Variants in SPON1 observed in about 807,000 individuals in gnomAD.
SPON1 encodes the protein spondin 1.
SPON1 carries 52 observed loss-of-function variants against 111.7 expected under a neutral mutation model. The observed-to-expected ratio is 0.47, with a 90% confidence interval of 0.37 to 0.59. The LOEUF (loss-of-function observed/expected upper bound fraction) is 0.59. Among genes scored for constraint, SPON1 ranks in the 20% least tolerant of loss-of-function variants. The probability of loss-of-function intolerance (pLI) is 0.00; values close to 1 mark genes in which losing one functional copy is unlikely to be tolerated. For missense variants in SPON1, 957 were observed against 1,068.5 expected (o/e 0.90, Z 1.46); for synonymous variants, 410 against 395.8 (o/e 1.04, Z -0.43).
chr11:13,985,744 C>T (rs1848177481), intron 2 of SPON1, among the ~76,000 whole-genome samples: 1 of 152,124 alleles, frequency 6.6e-6, no homozygotes, highest in Non-Finnish European at 1.5e-5. Context: ...GAAACTGAGT[C>T]CCCAAGGAGT....
At chr11:14,166,907 A>T (rs1472266280) in intron 6 of SPON1, among the ~76,000 whole-genome samples, 1 of 152,122 alleles carries the variant, frequency 6.6e-6, no homozygotes, top group African/African-American at 2.4e-5. Flanking sequence ...GCTCATTATA[A>T]AACCATCTTT....
At chr11:14,260,827 A>C in intron 14 of SPON1, 75 bp downstream of exon 14, 1 of 1,472,420 alleles carries the variant, frequency 6.8e-7, no homozygotes, top group Non-Finnish European at 9.2e-7. Context: ...AGCCAGTGCT[A>C]ATACTGCTAG....
chr11:14,216,029 C>T (rs782513527), intron 6 of SPON1, among the ~76,000 whole-genome samples: 3 of 152,120 alleles, frequency 2.0e-5, no homozygotes, highest in Non-Finnish European at 4.4e-5. Flanking sequence ...CCAAATAGAA[C>T]GTAGGGAAAA....
rs782562583 is a variant in SPON1, at chr11:13,982,966, C to T, written c.345+13C>T. The T allele has an allele frequency of 1.3e-6, 2 of 1,519,574 alleles. No homozygotes were observed. Among genetic ancestry groups the T allele is most frequent in the South Asian group, 1.2e-5 (1 of 83,312 alleles). The allele number at this position is 1,519,574 out of a possible 1,614,324, so 94.1% of individuals were successfully genotyped here. ...TGGGACCTTCCAGGTAAGACCCTGC[C>T]TGGGCTTATTCAGTGGCCCTCCCTG... On this transcript the variant is annotated intron_variant, in intron 2 of 15. Coordinates refer to ENST00000576479, the MANE Select transcript of SPON1 (RefSeq NM_006108.4).
intron 2 of SPON1, among the ~76,000 whole-genome samples, chr11:14,004,963 T>C (rs1848347694): frequency 6.6e-6 from 1 of 152,160 alleles, no homozygotes; most frequent in African/African-American, 2.4e-5. Flanking sequence ...CATGCCACTA[T>C]GTCTGGATGA....
intron 6 of SPON1, among the ~76,000 whole-genome samples, chr11:14,140,230 G>A (rs1272005229): frequency 6.6e-6 from 1 of 152,036 alleles, no homozygotes; most frequent in East Asian, 1.9e-4. Context: ...CCTTCATTAG[G>A]GCTACTTTTA....
chr11:13,978,694 C>T (rs2697844), intron 1 of SPON1, among the ~76,000 whole-genome samples: 3 of 152,086 alleles, frequency 2.0e-5, no homozygotes, highest in South Asian at 2.1e-4. Flanking sequence ...TCAGAGGAAA[C>T]ATCACACAAA....
At chr11:14,199,871 A>G (rs1199438580) in intron 6 of SPON1, among the ~76,000 whole-genome samples, 1 of 152,202 alleles carries the variant, frequency 6.6e-6, no homozygotes. Context: ...CCTTGCCTAA[A>G]GGTTCTTTCT....
intron 6 of SPON1, among the ~76,000 whole-genome samples, chr11:14,158,595 G>A (rs1229623790): frequency 6.6e-6 from 1 of 152,160 alleles, no homozygotes; most frequent in African/African-American, 2.4e-5. Context: ...GAAAAAGCCA[G>A]AGCCTGAAGG....
intron 5 of SPON1, among the ~76,000 whole-genome samples, chr11:14,121,212 C>T (rs782131595): frequency 6.6e-6 from 1 of 152,110 alleles, no homozygotes; most frequent in Non-Finnish European, 1.5e-5. Flanking sequence ...TACAACTATT[C>T]ATTATCTTGA....
intron 3 of SPON1, among the ~76,000 whole-genome samples, chr11:14,069,106 A>G (rs1848855398): frequency 6.6e-6 from 1 of 151,996 alleles, no homozygotes; most frequent in Admixed American, 6.6e-5. Flanking sequence ...TTTCTTTCTA[A>G]TCCCCCTGTC....
chr11:14,260,735 G>A lies in SPON1; in HGVS notation c.1979G>A (p.Cys660Tyr), dbSNP rs2133927452. ...CNEDLEQVEK[C>Y]MLPECPIDCE... ...GAGGATCTGGAGCAGGTGGAGAAGTGCATGCTCCCTGAATGCCGTAAGTCC... is the reference window on the plus strand; with the variant it reads ...GAGGATCTGGAGCAGGTGGAGAAGTACATGCTCCCTGAATGCCGTAAGTCC... Residue 660 changes from cysteine (C) to tyrosine (Y), a missense_variant, in exon 14 of 16, where the codon TGC becomes TAC. Around this residue, in one of 5 missense-constraint regions of SPON1, gnomAD observed 549 missense variants for 606.2 expected, o/e 0.91. Coordinates refer to ENST00000576479, the MANE Select transcript of SPON1 (RefSeq NM_006108.4). 1 of 1,613,772 alleles carries A rather than the reference G, an allele frequency of 6.2e-7. No individual in the cohort carries two copies. Among genetic ancestry groups the A allele is most frequent in the Non-Finnish European group, 8.5e-7 (1 of 1,179,776 alleles).
chr11:14,083,605 G>A (rs1415063657), intron 5 of SPON1, among the ~76,000 whole-genome samples: 1 of 152,046 alleles, frequency 6.6e-6, no homozygotes, highest in African/African-American at 2.4e-5. Context: ...GAAAATATTG[G>A]TTTACTGAGT....
At chr11:14,011,202 AAG>A (rs1295616987) in intron 2 of SPON1, among the ~76,000 whole-genome samples, 1 of 152,182 alleles carries the variant, frequency 6.6e-6, no homozygotes, top group African/African-American at 2.4e-5. Flanking sequence ...GCTCAGAAGA[AAG>A]AGCACTGGAC....
intron 2 of SPON1, among the ~76,000 whole-genome samples, chr11:13,993,828 G>A (rs774442088): frequency 6.6e-6 from 1 of 152,172 alleles, no homozygotes; most frequent in African/African-American, 2.4e-5. Context: ...TTTAAGCACA[G>A]CATTTGCACT....
In SPON1 at chr11:14,080,752, T is replaced by C. The variant is rs138722446; in HGVS notation, c.676+731T>C. On this transcript the variant is annotated intron_variant, in intron 5 of 15. Coordinates refer to ENST00000576479, the MANE Select transcript of SPON1 (RefSeq NM_006108.4). ...CATAGGTGTTAGTAATTAGTCAGCA[T>C]GCCTTTTTTTTACTGACTTCAGATG... Among the ~76,000 whole-genome samples, 385 of 152,280 alleles carry C rather than the reference T, an allele frequency of 2.5e-3. 2 individuals are homozygous for C. The highest frequency in any genetic ancestry group is 8.2e-3 in the African/African-American group (341 of 41,564).
At chr11:14,176,699 A>G (rs2133885102) in intron 6 of SPON1, among the ~76,000 whole-genome samples, 1 of 152,276 alleles carries the variant, frequency 6.6e-6, no homozygotes, top group Admixed American at 6.5e-5. Flanking sequence ...ATCCATGCAC[A>G]TTGGGTCGGC....
chr11:13,966,933 AAT>A (rs1265454025), intron 1 of SPON1, among the ~76,000 whole-genome samples: 1 of 152,232 alleles, frequency 6.6e-6, no homozygotes, highest in Non-Finnish European at 1.5e-5. Flanking sequence ...TTGCTAAAAA[AAT>A]ATGTTATGAG....
At chr11:14,061,091 G>A (rs534096023) in intron 3 of SPON1, among the ~76,000 whole-genome samples, 2 of 152,306 alleles carry the variant, frequency 1.3e-5, no homozygotes, top group South Asian at 2.1e-4. Context: ...ATGCACACAG[G>A]AGCCCTATAA....
Sources: allele counts gnomAD v4.1 joint callset (sites outside exome capture counted in the v4.1 genomes callset), GRCh38; gene constraint gnomAD v4.1.1; regional missense constraint gnomAD v4.1.1; transcripts MANE v1.5; gene names NCBI Gene and HGNC (gene_info 2026-07-23, HGNC 2026-07-21).